The following PLXNA2 variants were observed in gnomAD, a reference collection of about 807,000 sequenced individuals.
PLXNA2 encodes the protein plexin-A2.
In PLXNA2, 91 loss-of-function variants were observed where a neutral mutation model predicts 193.5. That is an observed-to-expected ratio of 0.47 (90% CI 0.40 to 0.56). The LOEUF is 0.56. Ranked by LOEUF, PLXNA2 falls within the 20% of genes least tolerant of loss-of-function variation. The pLI is 0.00. For synonymous variants in PLXNA2, 997 were observed against 1,027.3 expected (o/e 0.97, Z 0.56); for missense variants, 1,995 against 2,503.2 (o/e 0.80, Z 4.33).
chr1:208,039,647 G>A lies in PLXNA2; in HGVS notation c.4474C>T (p.Arg1492Trp), dbSNP rs147239739. ...RYSLSEDKLI[R>W]QQIEYKTLIL... ...AGGGTCTTGTACTCGATCTGCTGCC[G>A]GATGAGCTTGTCCTCGCTCAGGGAG... is the stretch of plus-strand genomic sequence containing the variant. Residue 1492 changes from arginine to tryptophan, a missense_variant, in exon 24 of 32, where the codon CGG (arginine) becomes TGG (tryptophan). Physicochemically the swap from Arg to Trp is moderately radical, Grantham distance 101. Transcript: ENST00000367033. 6 of 1,614,002 alleles carry A rather than the reference G, an allele frequency of 3.7e-6. No individual in the cohort carries two copies. The highest frequency in any genetic ancestry group is 4.2e-6 in the Non-Finnish European group (5 of 1,180,054).
chr1:208,029,380 C>CAA, intron 29 of PLXNA2: 1 of 1,090,610 alleles, frequency 9.2e-7, no homozygotes, highest in South Asian at 2.8e-5. Flanking sequence ...CACATTTTCT[C>CAA]AGGGCTTCAC....
chr1:208,031,375 G>A, intron 29 of PLXNA2: 1 of 1,404,824 alleles, frequency 7.1e-7, no homozygotes, highest in Non-Finnish European at 9.3e-7. Flanking sequence ...TCCTATTGCT[G>A]TGCCTCAAGC....
intron 11 of PLXNA2, among the ~76,000 whole-genome samples, chr1:208,080,200 T>C (rs2102383102): frequency 6.6e-6 from 1 of 152,210 alleles, no homozygotes; most frequent in South Asian, 2.1e-4. Context: ...GAGGGAAGCA[T>C]TGCTGATTAA....
At chr1:208,120,137 T>C (rs1012046011) in intron 4 of PLXNA2, among the ~76,000 whole-genome samples, 3 of 152,224 alleles carry the variant, frequency 2.0e-5, no homozygotes, top group Non-Finnish European at 4.4e-5. Context: ...TAGCCCCGGC[T>C]GGGTGCAGAG....
chr1:208,208,400 T>A (rs12094123), intron 3 of PLXNA2, among the ~76,000 whole-genome samples: 72,837 of 152,076 alleles, frequency 0.48, 17,764 homozygotes, highest in Admixed American at 0.54. Context: ...GGCAAGTCAA[T>A]TTTCTTCTCT....
At chr1:208,179,342 A>G (rs1041994196) in intron 3 of PLXNA2, among the ~76,000 whole-genome samples, 11 of 152,156 alleles carry the variant, frequency 7.2e-5, no homozygotes, top group Non-Finnish European at 1.5e-5. Flanking sequence ...GCTTTGGTGC[A>G]TTTGCTTCTG....
In PLXNA2 at chr1:208,188,641, G is replaced by A. The variant is rs992492270; in HGVS notation, c.1371+21639C>T. Among the ~76,000 whole-genome samples, 30 of 151,536 alleles carry A rather than the reference G, an allele frequency of 2.0e-4. 1 individual carries two copies. Among genetic ancestry groups the A allele is most frequent in the Admixed American group, 1.4e-3 (22 of 15,238 alleles). On this transcript the variant is annotated intron_variant, in intron 3 of 31. Coordinates refer to ENST00000367033, the MANE Select transcript of PLXNA2 (RefSeq NM_025179.4). ...GGAGAATTGCTTGAACCTGGGAGGC[G>A]GAGGTTGCAGTGAGCTGAGATGGCA...
chr1:208,230,095 T>C, intron 1 of PLXNA2: 1 of 152,236 alleles, frequency 6.6e-6, no homozygotes, highest in East Asian at 1.9e-4. Flanking sequence ...GAAATTGTTT[T>C]GTAAACTCTA....
intron 4 of PLXNA2, among the ~76,000 whole-genome samples, chr1:208,140,704 C>A (rs60447286): frequency 0.2 from 30,681 of 152,138 alleles, 3,722 homozygotes; most frequent in African/African-American, 0.33. Context: ...TTTCTGTATG[C>A]ATTGCTTGAA....
chr1:208,206,914 C>T (rs1426479690), intron 3 of PLXNA2, among the ~76,000 whole-genome samples: 3 of 152,056 alleles, frequency 2.0e-5, no homozygotes, highest in Admixed American at 2.0e-4. Context: ...CAGGTGCATG[C>T]CACCATGCCC....
intron 9 of PLXNA2, among the ~76,000 whole-genome samples, chr1:208,084,903 T>C (rs1208489075): frequency 1.3e-5 from 2 of 152,170 alleles, no homozygotes; most frequent in African/African-American, 4.8e-5. Context: ...GTCCCCAACC[T>C]GGCACCCCTA....
intron 1 of PLXNA2, among the ~76,000 whole-genome samples, chr1:208,238,044 T>C (rs1181026758): frequency 6.6e-6 from 1 of 152,166 alleles, no homozygotes; most frequent in African/African-American, 2.4e-5. Context: ...CCCTCTATAC[T>C]ATGGTTGAGA....
Position 208,031,736 on chromosome 1 carries a change from G to T in PLXNA2, c.5079C>A (p.Asp1693Glu). The T allele has an allele frequency of 6.2e-7, 1 of 1,607,512 alleles. No individual in the cohort carries two copies. Among genetic ancestry groups the T allele is most frequent in the Non-Finnish European group, 8.5e-7 (1 of 1,175,690 alleles). ...ATKGTLQKFV[D>E]DLFETLFSTV... is the part of the protein sequence containing the mutation. ...TGCTGAACAAGGTCTCAAACAAGTCGTCCACAAACTTCTGCAGGGTGCCCT... is the reference window on the plus strand; with the variant it reads ...TGCTGAACAAGGTCTCAAACAAGTCTTCCACAAACTTCTGCAGGGTGCCCT... The change falls in exon 29 of 32, where the codon GAC becomes GAA. Residue 1693 changes from aspartate to glutamate, a missense_variant. By Grantham distance (45) the Asp-to-Glu change is conservative. This residue lies in a region of PLXNA2 where 1,291 missense variants were observed against 1,673.6 expected (regional missense o/e 0.77). Coordinates refer to ENST00000367033, the MANE Select transcript of PLXNA2 (RefSeq NM_025179.4).
chr1:208,070,485 A>G (rs538764254), intron 12 of PLXNA2, among the ~76,000 whole-genome samples: 1 of 152,204 alleles, frequency 6.6e-6, no homozygotes, highest in South Asian at 2.1e-4. Context: ...CTTTCTTCCC[A>G]TTTCTGCAGC....
intron 3 of PLXNA2, among the ~76,000 whole-genome samples, chr1:208,163,933 AG>A (rs1669214310): frequency 6.6e-6 from 1 of 152,180 alleles, no homozygotes; most frequent in Admixed American, 6.5e-5. Context: ...CTTGGATGTC[AG>A]CATGTGGGGG....
intron 3 of PLXNA2, among the ~76,000 whole-genome samples, chr1:208,181,385 C>T (rs1669837185): frequency 6.6e-6 from 1 of 152,218 alleles, no homozygotes; most frequent in East Asian, 1.9e-4. Context: ...TTCCCCAGAG[C>T]ACATGCTCCA....
At chr1:208,059,662 A>C (rs1477809706) in intron 13 of PLXNA2, among the ~76,000 whole-genome samples, 1 of 152,186 alleles carries the variant, frequency 6.6e-6, no homozygotes, top group Non-Finnish European at 1.5e-5. Context: ...CCCTGAATGA[A>C]CTGGGGAAAG....
chr1:208,136,996 T>C (rs1668320176), intron 4 of PLXNA2, among the ~76,000 whole-genome samples: 1 of 152,208 alleles, frequency 6.6e-6, no homozygotes, highest in Non-Finnish European at 1.5e-5. Context: ...AAACTGAGGT[T>C]TAGAGAAGTT....
At chr1:208,154,542 C>T (rs1397897275) in intron 3 of PLXNA2, among the ~76,000 whole-genome samples, 1 of 152,124 alleles carries the variant, frequency 6.6e-6, no homozygotes, top group Non-Finnish European at 1.5e-5. Context: ...GGACTAAGAC[C>T]AAGGGAGCTA....
Sources: gnomAD v4.1 joint callset for allele counts (sites outside exome capture counted in the v4.1 genomes callset) on GRCh38, gnomAD v4.1.1 for gene constraint, gnomAD v4.1.1 regional missense constraint, MANE v1.5 for transcripts, NCBI Gene and HGNC (gene_info 2026-07-23, HGNC 2026-07-21) for gene names.